Variants in PHACTR2 observed in about 807,000 individuals in gnomAD.
PHACTR2 encodes the protein phosphatase and actin regulator 2.
PHACTR2 carries 30 observed loss-of-function variants against 76.0 expected under a neutral mutation model. The observed-to-expected ratio is 0.39, with a 90% confidence interval of 0.30 to 0.54. The LOEUF (loss-of-function observed/expected upper bound fraction) is 0.54, where lower values mean the gene tolerates loss of function less well. PHACTR2 is among the 20% of genes least tolerant of loss of function. PHACTR2 has a pLI of 0.61. For synonymous variants in PHACTR2, 292 were observed against 292.5 expected, an observed-to-expected ratio of 1.00 and a Z score of 0.02; for missense variants, 696 against 781.1, an observed-to-expected ratio of 0.89 and a Z score of 1.30.
At chr6:143,655,263 G>A (rs1582740509) in intron 1 of PHACTR2, among the ~76,000 whole-genome samples, 1 of 152,198 alleles carries the variant, frequency 6.6e-6, no homozygotes, top group East Asian at 1.9e-4. Flanking sequence ...GTCCAGAATA[G>A]GCAAATTCCT....
intron 1 of PHACTR2, among the ~76,000 whole-genome samples, chr6:143,563,551 CAA>C (rs76587878): frequency 1.3e-4 from 4 of 29,944 alleles, no homozygotes; most frequent in Admixed American, 3.5e-4. Context: ...AACTCCGTCT[CAA>C]AAAAAAAAAA....
intron 2 of PHACTR2, among the ~76,000 whole-genome samples, chr6:143,719,349 CTTTT>C (rs34643788): frequency 0.014 from 1,250 of 86,748 alleles, 9 homozygotes; most frequent in East Asian, 0.099. Flanking sequence ...TTCGACACTT[CTTTT>C]TTTTTTTTTT....
chr6:143,569,273 A>G (rs1775411238), intron 1 of PHACTR2, among the ~76,000 whole-genome samples: 1 of 152,152 alleles, frequency 6.6e-6, no homozygotes, highest in African/African-American at 2.4e-5. Flanking sequence ...CACCTCATCA[A>G]CTGAGGAGAC....
intron 1 of PHACTR2, among the ~76,000 whole-genome samples, chr6:143,620,804 C>A (rs149521239): frequency 2.3e-3 from 356 of 152,256 alleles, no homozygotes; most frequent in African/African-American, 7.8e-3. Flanking sequence ...GGGACGCATG[C>A]AATATTGTTT....
At chr6:143,705,137 T>C (rs1395478899) in intron 1 of PHACTR2, among the ~76,000 whole-genome samples, 1 of 146,620 alleles carries the variant, frequency 6.8e-6, no homozygotes, top group Non-Finnish European at 1.5e-5. Flanking sequence ...GTTTTATTTT[T>C]GAGACAAGTC....
chr6:143,676,557 T>C (rs1421659755), upstream of PHACTR2, among the ~76,000 whole-genome samples: 1 of 152,232 alleles, frequency 6.6e-6, no homozygotes, highest in East Asian at 1.9e-4. The surrounding 1 kb of genome is among the most constrained non-coding windows in gnomAD (Gnocchi z 4.8). Flanking sequence ...TGTTTGTTTT[T>C]TTCTTACGGC....
chr6:143,600,815 C>T (rs1775807275), intron 1 of PHACTR2, among the ~76,000 whole-genome samples: 1 of 152,166 alleles, frequency 6.6e-6, no homozygotes, highest in Non-Finnish European at 1.5e-5. Flanking sequence ...AGACAGAAGC[C>T]TGAAGCTTTA....
intron 1 of PHACTR2, among the ~76,000 whole-genome samples, chr6:143,650,279 G>A (rs1776738238): frequency 6.6e-6 from 1 of 152,136 alleles, no homozygotes; most frequent in Non-Finnish European, 1.5e-5. Context: ...GGGATTTATA[G>A]ATTCAATGCT....
chr6:143,814,595 CTTT>C (rs61652528), intron 12 of PHACTR2, among the ~76,000 whole-genome samples: 1,378 of 108,360 alleles, frequency 0.013, 29 homozygotes, highest in East Asian at 0.086. Context: ...GACATACACA[CTTT>C]TTTTTTTTTT....
At chr6:143,620,303 A>T (rs952998635) in intron 1 of PHACTR2, among the ~76,000 whole-genome samples, 1 of 152,152 alleles carries the variant, frequency 6.6e-6, no homozygotes, top group African/African-American at 2.4e-5. Context: ...TAGCTGTCTC[A>T]GGGAAGGTTT....
At chr6:143,790,697 G>A (rs1360191035) in intron 11 of PHACTR2, among the ~76,000 whole-genome samples, 4 of 143,446 alleles carry the variant, frequency 2.8e-5, no homozygotes, top group South Asian at 4.4e-4. Context: ...TTTTTGAGAC[G>A]GAGTCTCACT....
intron 12 of PHACTR2, among the ~76,000 whole-genome samples, chr6:143,808,335 G>A (rs956441760): frequency 6.6e-6 from 1 of 151,776 alleles, no homozygotes; most frequent in African/African-American, 2.4e-5. Flanking sequence ...CACCATGTTG[G>A]TCCAGCTGGT....
In PHACTR2 at chr6:143,581,345, C is replaced by T. The variant is rs367948239; in HGVS notation, c.217+44138C>T. ...GGCGCAGTGGTTCATGCCTGTAATC[C>T]CAGCACTTTGGGAGGTCAAGACAAG... is the stretch of plus-strand genomic sequence containing the variant. On this transcript the variant is annotated intron_variant, in intron 1 of 11. Coordinates refer to the PHACTR2 transcript ENST00000367584. This position sits in a 1 kb window ranked among gnomAD's most constrained non-coding sequence, Gnocchi z 4.5. Among the ~76,000 whole-genome samples the T allele has an allele frequency of 2.0e-5, 3 of 152,042 alleles. No individual in the cohort carries two copies. In the East Asian group the frequency reaches 5.8e-4, roughly 29 times the overall value.
At position 143,772,387 on chromosome 6, in the gene PHACTR2, T is replaced by C; in HGVS notation, c.1362T>C (p.Ser454=). ...ACAGGGAATACCAAGCCAATGACTC[T>C]GACTCGGACGGGCCTATCTTGTACA... The part of the protein sequence containing the change: ...EGHREYQAND[S]DSDGPILYTD... Residue 454 remains serine (S), a synonymous_variant, in exon 7 of 13, where the codon TCT becomes TCC. Coordinates refer to ENST00000440869, the MANE Select transcript of PHACTR2 (RefSeq NM_001100164.2). This position sits in a 1 kb window ranked among gnomAD's most constrained non-coding sequence, Gnocchi z 5.4. 6.2e-7 allele frequency: 1 copy of C among 1,614,176 alleles called. No homozygotes were observed. Among genetic ancestry groups the C allele is most frequent in the Non-Finnish European group, 8.5e-7 (1 of 1,180,002 alleles).
At chr6:143,719,950 T>G (rs1006606008) in intron 2 of PHACTR2, among the ~76,000 whole-genome samples, 3 of 151,300 alleles carry the variant, frequency 2.0e-5, no homozygotes, top group Non-Finnish European at 4.4e-5. Context: ...TAGCTGGGAT[T>G]ATAGGCATGC....
chr6:143,627,632 C>G lies in PHACTR2; in HGVS notation c.13+19310C>G, dbSNP rs560407553. Among the ~76,000 whole-genome samples, 1 of 146,156 alleles carries G rather than the reference C, an allele frequency of 6.8e-6. No homozygotes were observed. The highest frequency in any genetic ancestry group is 1.5e-5 in the Non-Finnish European group (1 of 66,728). ...TTTTTTTTTTTTTGAGAAGAAGTCT[C>G]GCTCTGTCACCCAGGCTGGAATGCA... On this transcript the variant is annotated intron_variant, in intron 1 of 11. Coordinates refer to the PHACTR2 transcript ENST00000305766. The surrounding 1 kb of genome is among the most constrained non-coding windows in gnomAD (Gnocchi z 4.3).
chr6:143,633,686 C>T lies in PHACTR2; in HGVS notation c.13+25364C>T, dbSNP rs1024216834. On this transcript the variant is annotated intron_variant, in intron 1 of 11. Coordinates refer to the PHACTR2 transcript ENST00000305766. This position sits in a 1 kb window ranked among gnomAD's most constrained non-coding sequence, Gnocchi z 4.1. The stretch of plus-strand genomic sequence containing the variant: ...TTAATTATTTATTTCATGGATCATG[C>T]CTTTGGTGTAGTATCTAAAAAGTCA... 6.6e-6 allele frequency among the ~76,000 whole-genome samples: 1 copy of T among 152,084 alleles called. No individual in the cohort carries two copies. The highest frequency in any genetic ancestry group is 1.5e-5 in the Non-Finnish European group (1 of 68,034).
rs1775619154 is a variant in PHACTR2, at chr6:143,789,034, CCT to C, written c.1845+127_1845+128del. The C allele has an allele frequency of 5.1e-6, 4 of 783,214 alleles. No individual in the cohort carries two copies. The highest frequency in any genetic ancestry group is 8.1e-6 in the Non-Finnish European group (4 of 494,488). 48.5% of individuals were successfully genotyped at this position (783,214 alleles called of 1,614,324 possible). ...TACCAAATATTACAACAGTTTTCTG[CCT>C]CTGATTATTTAAGCCACTTAAGTGA... is the stretch of plus-strand genomic sequence containing the variant. On this transcript the variant is annotated intron_variant, in intron 11 of 12. Transcript: ENST00000440869. The surrounding 1 kb of genome is among the most constrained non-coding windows in gnomAD (Gnocchi z 5.1).
rs959382774 is a variant in PHACTR2, at chr6:143,608,401, T to G, written c.13+79T>G. On this transcript the variant is annotated intron_variant, in intron 1 of 11. Coordinates refer to the PHACTR2 transcript ENST00000305766. This position sits in a 1 kb window ranked among gnomAD's most constrained non-coding sequence, Gnocchi z 4.6. ...CATCCTTTACTGCGGAAGGTTTGCC[T>G]ATTTGTTGCTCTCGTTTTGCACTTA... 8 of 1,446,504 alleles carry G rather than the reference T, an allele frequency of 5.5e-6. No homozygotes were observed. Among genetic ancestry groups the G allele is most frequent in the South Asian group, 4.6e-5 (4 of 86,636 alleles). 89.6% of individuals were successfully genotyped at this position (1,446,504 alleles called of 1,614,324 possible).
Sources: allele counts gnomAD v4.1 joint callset (sites outside exome capture counted in the v4.1 genomes callset), GRCh38; gene constraint gnomAD v4.1.1; non-coding constraint Gnocchi (gnomAD v3.1); transcripts MANE v1.5; gene names NCBI Gene and HGNC (gene_info 2026-07-23, HGNC 2026-07-21).